PTPRD: variants seen among roughly 807,000 people sequenced by gnomAD.
The protein encoded by PTPRD is protein tyrosine phosphatase receptor type D.
A neutral mutation model predicts 214.5 loss-of-function variants in PTPRD; 34 were observed. That is an observed-to-expected ratio of 0.16 (90% CI 0.12 to 0.21). PTPRD has a LOEUF of 0.21. Ranked by LOEUF, PTPRD falls within the 10% of genes least tolerant of loss-of-function variation. The pLI is 1.00. For synonymous variants in PTPRD, 1,128 were observed against 845.7 expected (o/e 1.33, Z -5.79); for missense variants, 2,545 against 2,398.7 (o/e 1.06, Z -1.27).
chr9:10,215,739 C>G (rs2099538237), intron 3 of PTPRD, among the ~76,000 whole-genome samples: 1 of 151,866 alleles, frequency 6.6e-6, no homozygotes, highest in Non-Finnish European at 1.5e-5. Flanking sequence ...GGAAACAATC[C>G]AGTTGTCTGT....
At chr9:9,945,244 A>T (rs561319760) in intron 4 of PTPRD, among the ~76,000 whole-genome samples, 1 of 152,216 alleles carries the variant, frequency 6.6e-6, no homozygotes, top group Admixed American at 6.5e-5. Context: ...ACTAATAGGG[A>T]GGTAAATAAA....
chr9:8,904,649 G>C (rs1034787712), intron 11 of PTPRD, among the ~76,000 whole-genome samples: 1 of 147,796 alleles, frequency 6.8e-6, no homozygotes, highest in South Asian at 2.1e-4. Flanking sequence ...TCCAGCCTGG[G>C]TAGCAGAGGG....
chr9:8,453,740 G>A (rs751192698), intron 33 of PTPRD, among the ~76,000 whole-genome samples: 18 of 152,274 alleles, frequency 1.2e-4, no homozygotes, highest in Non-Finnish European at 2.5e-4. Flanking sequence ...ATACAGCCTG[G>A]TGGGCCAATG....
At chr9:9,056,824 A>G (rs963307862) in intron 10 of PTPRD, among the ~76,000 whole-genome samples, 1 of 152,202 alleles carries the variant, frequency 6.6e-6, no homozygotes, top group African/African-American at 2.4e-5. Context: ...TATTTATATC[A>G]GATTATTTTT....
At chr9:8,736,173 G>A (rs943787927) in intron 11 of PTPRD, among the ~76,000 whole-genome samples, 8 of 152,126 alleles carry the variant, frequency 5.3e-5, no homozygotes, top group Admixed American at 4.6e-4. Flanking sequence ...TGGTGGTACT[G>A]GTGGGAATTA....
At chr9:8,660,206 T>TTCC (rs2097010410) in intron 12 of PTPRD, among the ~76,000 whole-genome samples, 11 of 152,352 alleles carry the variant, frequency 7.2e-5, no homozygotes, top group African/African-American at 2.4e-4. Flanking sequence ...GCTCTTGTCT[T>TTCC]ACACAGGCAC....
chr9:9,900,640 G>GGTTTTTTTTTTTGTTTTT lies in PTPRD; in HGVS notation c.-368+37866_-368+37867insAAAAACAAAAAAAAAAAC, dbSNP rs1435216702. 3.8e-4 allele frequency among the ~76,000 whole-genome samples: 41 copies of GGTTTTTTTTTTTGTTTTT among 107,664 alleles called. 1 individual carries two copies. Among genetic ancestry groups the GGTTTTTTTTTTTGTTTTT allele is most frequent in the African/African-American group, 2.0e-3 (40 of 20,440 alleles). 70.6% of individuals were successfully genotyped at this position (107,664 alleles called of 152,430 possible). A position where few individuals can be genotyped will look rare whatever the true frequency, so the allele number is the denominator to read the frequency against. ...TTCCAAAGGTGCTTCCACATTTTCA[G>GGTTTTTTTTTTTGTTTTT]GTTTTTTTTTTTTTTGAGATGGAGT... On this transcript the variant is annotated intron_variant, in intron 5 of 45. Coordinates refer to ENST00000381196, the MANE Select transcript of PTPRD (RefSeq NM_002839.4).
intron 3 of PTPRD, among the ~76,000 whole-genome samples, chr9:10,325,921 C>A (rs2096634781): frequency 6.6e-6 from 1 of 151,792 alleles, no homozygotes; most frequent in Non-Finnish European, 1.5e-5. Flanking sequence ...TTACACCCCA[C>A]TGTAATAATT....
Position 8,341,232 on chromosome 9 carries a change from T to C in PTPRD, c.4984A>G (p.Ile1662Val). The C allele has an allele frequency of 6.2e-7, 1 of 1,612,102 alleles. No individual in the cohort carries two copies. Among genetic ancestry groups the C allele is most frequent in the Non-Finnish European group, 8.5e-7 (1 of 1,179,150 alleles). ...TTATTACATGGAAGATTGGCACTGATAAACCTTGAGGTGTGAGCTTTTGAG... is the reference window on the plus strand; with the variant it reads ...TTATTACATGGAAGATTGGCACTGACAAACCTTGAGGTGTGAGCTTTTGAG... ...ASSKAHTSRFISANLPCNKFK... is the reference protein window; with the variant it reads ...ASSKAHTSRFVSANLPCNKFK... Residue 1662 changes from isoleucine to valine, a missense_variant, in exon 41 of 46, where the codon ATC (isoleucine) becomes GTC (valine). Ile to Val is a conservative substitution (Grantham distance 29, BLOSUM62 3). Transcript: ENST00000381196.
intron 5 of PTPRD, among the ~76,000 whole-genome samples, chr9:9,879,171 T>C (rs890580631): frequency 6.6e-6 from 1 of 152,190 alleles, no homozygotes; most frequent in African/African-American, 2.4e-5. Context: ...ACTAGAGAAA[T>C]TGTAATCAGT....
chr9:9,091,313 T>C (rs1048791701), intron 10 of PTPRD: 3 of 997,388 alleles, frequency 3.0e-6, no homozygotes, highest in African/African-American at 3.2e-5. Context: ...AATTGTACTT[T>C]AAAAAAAAAA....
At chr9:8,786,924 A>G (rs577971574) in intron 11 of PTPRD, among the ~76,000 whole-genome samples, 1 of 152,072 alleles carries the variant, frequency 6.6e-6, no homozygotes, top group East Asian at 2.0e-4. Flanking sequence ...ATTTATTTAG[A>G]GACAGGGTCT....
At chr9:10,170,764 A>G (rs1004164154) in intron 3 of PTPRD, among the ~76,000 whole-genome samples, 2 of 152,178 alleles carry the variant, frequency 1.3e-5, no homozygotes, top group East Asian at 3.8e-4. Flanking sequence ...AAATATTATC[A>G]TTTTTGACAA....
chr9:8,909,866 C>CA (rs35074557), intron 11 of PTPRD, among the ~76,000 whole-genome samples: 62,677 of 121,672 alleles, frequency 0.52, 18,316 homozygotes, highest in Non-Finnish European at 0.66. Flanking sequence ...ATATTAAAGG[C>CA]AAAAAAAAAA....
chr9:8,404,587 G>T lies in PTPRD; in HGVS notation c.4160C>A (p.Ala1387Glu), dbSNP rs1349454023. The part of the protein sequence containing the change: ...LEVNKPKNRY[A>E]NVIAYDHSRV... ...GGAATGATCATATGCGATTACATTC[G>T]CGTATCTATTCTTTGGTTTGTTTAC... The change falls in exon 36 of 46, where the codon GCG (alanine) becomes GAG (glutamate). Residue 1387 changes from alanine (A) to glutamate (E), a missense_variant. Physicochemically the swap from Ala to Glu is moderately radical, Grantham distance 107. Coordinates refer to ENST00000381196, the MANE Select transcript of PTPRD (RefSeq NM_002839.4). The T allele has an allele frequency of 1.1e-5, 18 of 1,613,378 alleles. No homozygotes were observed. The highest frequency in any genetic ancestry group is 1.4e-5 in the Non-Finnish European group (17 of 1,179,522).
intron 2 of PTPRD, among the ~76,000 whole-genome samples, chr9:10,521,209 G>C (rs979929421): frequency 3.9e-5 from 6 of 151,976 alleles, no homozygotes; most frequent in African/African-American, 1.5e-4. Flanking sequence ...GGAAAAAGTA[G>C]GTTCCAACTC....
At chr9:10,285,855 C>T (rs1202941681) in intron 3 of PTPRD, among the ~76,000 whole-genome samples, 5 of 151,868 alleles carry the variant, frequency 3.3e-5, no homozygotes, top group Admixed American at 6.6e-5. Flanking sequence ...GCGATCCGCC[C>T]GCCTCGGCCT....
chr9:10,059,536 G>A (rs1022818667), intron 3 of PTPRD, among the ~76,000 whole-genome samples: 2 of 152,122 alleles, frequency 1.3e-5, no homozygotes, highest in South Asian at 4.1e-4. Flanking sequence ...TCAAGAGAAA[G>A]AGGTTTTATT....
intron 36 of PTPRD, among the ~76,000 whole-genome samples, chr9:8,401,321 T>C (rs988256269): frequency 1.3e-5 from 2 of 152,044 alleles, no homozygotes; most frequent in South Asian, 2.1e-4. Flanking sequence ...CGTACCATCA[T>C]ACTAGCGAGT....
Sources: allele counts gnomAD v4.1 joint callset (sites outside exome capture counted in the v4.1 genomes callset), GRCh38; gene constraint gnomAD v4.1.1; transcripts MANE v1.5; gene names NCBI Gene and HGNC (gene_info 2026-07-23, HGNC 2026-07-21).